Variants in ITPR1 observed in about 807,000 individuals in gnomAD.
The protein encoded by ITPR1 is inositol 1,4,5-trisphosphate-gated calcium channel ITPR1.
A neutral mutation model predicts 318.4 loss-of-function variants in ITPR1; 96 were observed. That is an observed-to-expected ratio of 0.30 (90% CI 0.26 to 0.36). The LOEUF (loss-of-function observed/expected upper bound fraction) is 0.36. Ranked by LOEUF, ITPR1 falls within the 10% of genes least tolerant of loss-of-function variation. ITPR1 has a pLI of 1.00. For missense variants in ITPR1, 2,440 were observed against 3,460.2 expected, an observed-to-expected ratio of 0.71 and a Z score of 7.40; for synonymous variants, 1,312 against 1,289.9, an observed-to-expected ratio of 1.02 and a Z score of -0.37.
chr3:4,777,433 C>A, intron 48 of ITPR1, 59 bp downstream of exon 48: 3 of 1,047,964 alleles, frequency 2.9e-6, no homozygotes, highest in South Asian at 1.4e-5. Context: ...TTGTGTTTTG[C>A]CTTGGCACAT....
intron 2 of ITPR1, among the ~76,000 whole-genome samples, chr3:4,504,957 A>T (rs1284310209): frequency 8.1e-5 from 12 of 148,886 alleles, no homozygotes; most frequent in African/African-American, 3.0e-4. Flanking sequence ...TTTTCTGGGC[A>T]TACTCCTTTT....
chr3:4,733,065 T>C, intron 42 of ITPR1, 23 bp from the exon 43 acceptor site: 1 of 1,606,932 alleles, frequency 6.2e-7, no homozygotes, highest in Non-Finnish European at 8.5e-7. Flanking sequence ...AGAAGCTGAT[T>C]TTATTATCCT....
At chr3:4,801,645 T>C (rs1224133342) in intron 54 of ITPR1, among the ~76,000 whole-genome samples, 1 of 152,054 alleles carries the variant, frequency 6.6e-6, no homozygotes, top group Admixed American at 6.6e-5. Context: ...GCGCCTATAA[T>C]CCTAGCTACT....
intron 4 of ITPR1, among the ~76,000 whole-genome samples, chr3:4,562,078 C>G (rs1210534052): frequency 1.4e-5 from 2 of 138,872 alleles, no homozygotes; most frequent in Admixed American, 8.0e-5. Context: ...CTAACAACAG[C>G]TTATGAGCTT....
At chr3:4,523,364 A>G (rs551062925) in intron 4 of ITPR1, among the ~76,000 whole-genome samples, 1 of 152,330 alleles carries the variant, frequency 6.6e-6, no homozygotes, top group African/African-American at 2.4e-5. Context: ...ATGTTTTAGA[A>G]TATGCATGTA....
rs566675238 is a variant in ITPR1, at chr3:4,698,385, T to A, written c.4407+1113T>A. On this transcript the variant is annotated intron_variant, in intron 34 of 61. Coordinates refer to ENST00000649015, the MANE Select transcript of ITPR1 (RefSeq NM_001378452.1). Reference sequence around the variant, plus strand: ...TGTTGGTTTCACAGACATATTTTTTTAAAAATCTCAAACTCCTCCTAGTTT... The same window carrying A: ...TGTTGGTTTCACAGACATATTTTTTAAAAAATCTCAAACTCCTCCTAGTTT... Among the ~76,000 whole-genome samples the A allele has an allele frequency of 1.7e-3, 263 of 152,320 alleles. 1 individual carries two copies. Among genetic ancestry groups the A allele is most frequent in the African/African-American group, 5.8e-3 (240 of 41,560 alleles).
chr3:4,711,353 T>C (rs1421604883), intron 38 of ITPR1, among the ~76,000 whole-genome samples: 1 of 152,120 alleles, frequency 6.6e-6, no homozygotes, highest in African/African-American at 2.4e-5. Flanking sequence ...ACTGTGTGTA[T>C]TGGCCTCAAC....
chr3:4,828,154 G>A (rs1047633143), intron 60 of ITPR1, among the ~76,000 whole-genome samples: 6 of 151,938 alleles, frequency 3.9e-5, no homozygotes, highest in East Asian at 3.9e-4. Context: ...ATCTTTCCCC[G>A]AAACAACAGC....
intron 4 of ITPR1, among the ~76,000 whole-genome samples, chr3:4,542,526 G>A (rs902625274): frequency 6.6e-6 from 1 of 152,152 alleles, no homozygotes; most frequent in African/African-American, 2.4e-5. Flanking sequence ...GGTGACAAAC[G>A]AGTATGAGGG....
At chr3:4,719,863 AG>A (rs1283500337) in intron 40 of ITPR1, among the ~76,000 whole-genome samples, 1 of 151,892 alleles carries the variant, frequency 6.6e-6, no homozygotes, top group African/African-American at 2.4e-5. Context: ...GCAAAGAGGC[AG>A]GGTCTCCATC....
chr3:4,646,789 T>G (rs1019939083), intron 10 of ITPR1, among the ~76,000 whole-genome samples: 7 of 152,154 alleles, frequency 4.6e-5, no homozygotes, highest in African/African-American at 1.7e-4. Flanking sequence ...CCTCAAGCCT[T>G]CCTTTCTGTG....
intron 4 of ITPR1, among the ~76,000 whole-genome samples, chr3:4,584,142 A>G (rs1057146471): frequency 6.6e-6 from 1 of 152,168 alleles, no homozygotes; most frequent in Non-Finnish European, 1.5e-5. Context: ...TGAAGCTCAC[A>G]GTTTATTATT....
At chr3:4,598,448 C>A (rs1457519344) in intron 4 of ITPR1, among the ~76,000 whole-genome samples, 1 of 151,932 alleles carries the variant, frequency 6.6e-6, no homozygotes, top group Non-Finnish European at 1.5e-5. Context: ...AGTGAGACCC[C>A]GTCTCTACAA....
Position 4,659,582 on chromosome 3 carries a change from A to G in ITPR1, c.1151+1304A>G, listed in dbSNP as rs562742869. On this transcript the variant is annotated intron_variant, in intron 13 of 61. Coordinates refer to ENST00000649015, the MANE Select transcript of ITPR1 (RefSeq NM_001378452.1). ...CACACCTGTAGTCCCAGCTACTTTG[A>G]AGGCTGAGGTGGGAGTATCCTAAGC... 2.6e-3 allele frequency among the ~76,000 whole-genome samples: 401 copies of G among 152,066 alleles called. 1 individual carries two copies. Among genetic ancestry groups the G allele is most frequent in the Non-Finnish European group, 4.7e-3 (319 of 67,960 alleles).
At chr3:4,508,479 A>G (rs1195342639) in intron 2 of ITPR1, among the ~76,000 whole-genome samples, 4 of 134,602 alleles carry the variant, frequency 3.0e-5, no homozygotes, top group Non-Finnish European at 4.6e-5. Flanking sequence ...TTTTTTTTAA[A>G]TGAATGTAAT....
intron 61 of ITPR1, among the ~76,000 whole-genome samples, chr3:4,845,823 T>G (rs891631057): frequency 3.3e-5 from 5 of 152,210 alleles, no homozygotes; most frequent in Non-Finnish European, 7.3e-5. Context: ...TTCCAATGAG[T>G]CTTCAAATCA....
chr3:4,526,387 C>A (rs767444145), intron 4 of ITPR1, among the ~76,000 whole-genome samples: 17 of 152,116 alleles, frequency 1.1e-4, no homozygotes, highest in Non-Finnish European at 2.4e-4. Flanking sequence ...TTCTCTTTCC[C>A]AGTGAAGTTG....
intron 2 of ITPR1, among the ~76,000 whole-genome samples, chr3:4,503,902 C>G (rs2081218177): frequency 6.6e-6 from 1 of 152,006 alleles, no homozygotes; most frequent in African/African-American, 2.4e-5. Context: ...AACTTTTTAA[C>G]AAAATAAGCA....
chr3:4,753,581 C>T (rs949104734), intron 44 of ITPR1, among the ~76,000 whole-genome samples: 4 of 152,050 alleles, frequency 2.6e-5, no homozygotes, highest in East Asian at 3.9e-4. Flanking sequence ...GGACCAGACT[C>T]GGCTGTACCC....
Sources: allele counts gnomAD v4.1 joint callset (sites outside exome capture counted in the v4.1 genomes callset), GRCh38; gene constraint gnomAD v4.1.1; transcripts MANE v1.5; gene names NCBI Gene and HGNC (gene_info 2026-07-23, HGNC 2026-07-21).